SLC14A2: variants seen among roughly 807,000 people sequenced by gnomAD.
SLC14A2 encodes urea transporter 2.
SLC14A2 carries 91 observed loss-of-function variants against 104.6 expected under a neutral mutation model. The observed-to-expected ratio is 0.87, with a 90% CI of 0.73 to 1.04. The LOEUF (loss-of-function observed/expected upper bound fraction) is 1.04, where lower values mean the gene tolerates loss of function less well. Ranked by LOEUF, SLC14A2 falls within the 50% of genes least tolerant of loss-of-function variation. SLC14A2 has a pLI of 0.00. For missense variants in SLC14A2, 1,189 were observed against 1,156.0 expected (o/e 1.03, Z -0.41); for synonymous variants, 476 against 466.4 (o/e 1.02, Z -0.27).
At chr18:45,527,445 GCAAGAAGA>G (rs1236940575) in intron 2 of SLC14A2, among the ~76,000 whole-genome samples, 2 of 152,184 alleles carry the variant, frequency 1.3e-5, no homozygotes, top group African/African-American at 4.8e-5. Context: ...TAAGATAAAA[GCAAGAAGA>G]CAGGCTTCCC....
At chr18:45,502,509 G>A (rs1235014433) in intron 2 of SLC14A2, among the ~76,000 whole-genome samples, 1 of 152,222 alleles carries the variant, frequency 6.6e-6, no homozygotes, top group Non-Finnish European at 1.5e-5. Flanking sequence ...TAGGATTTGT[G>A]TTGTGGACAA....
chr18:45,559,962 C>A (rs1362875312), intron 2 of SLC14A2, among the ~76,000 whole-genome samples: 1 of 152,198 alleles, frequency 6.6e-6, no homozygotes, highest in Non-Finnish European at 1.5e-5. Flanking sequence ...ATCACCACAT[C>A]AAGGTCATGG....
intron 1 of SLC14A2, among the ~76,000 whole-genome samples, chr18:45,387,022 T>A (rs999630735): frequency 3.3e-5 from 5 of 152,216 alleles, no homozygotes; most frequent in Admixed American, 3.3e-4. Flanking sequence ...TTAAACTGTT[T>A]CTGGAGTATT....
chr18:45,242,096 A>G (rs2084323904), intron 1 of SLC14A2, among the ~76,000 whole-genome samples: 1 of 152,168 alleles, frequency 6.6e-6, no homozygotes. Flanking sequence ...AGCAGCTGGC[A>G]TGATTTTGGC....
chr18:45,312,399 G>A (rs867119279), intron 1 of SLC14A2, among the ~76,000 whole-genome samples: 1 of 151,650 alleles, frequency 6.6e-6, no homozygotes, highest in Non-Finnish European at 1.5e-5. Flanking sequence ...AAAAAAGCCT[G>A]CTTTTTTCAA....
intron 1 of SLC14A2, among the ~76,000 whole-genome samples, chr18:45,379,512 C>T (rs12608129): frequency 7.2e-5 from 11 of 152,076 alleles, no homozygotes; most frequent in Non-Finnish European, 1.2e-4. Context: ...ACCACCCTTC[C>T]GAGTCATTAC....
At chr18:45,584,536 G>A (rs947241038) in intron 2 of SLC14A2, among the ~76,000 whole-genome samples, 4 of 152,180 alleles carry the variant, frequency 2.6e-5, no homozygotes, top group Non-Finnish European at 5.9e-5. Flanking sequence ...ATCACAGAAC[G>A]AGGTTTGATT....
At chr18:45,529,314 T>C (rs942302694) in intron 2 of SLC14A2, 1 of 152,110 alleles carries the variant, frequency 6.6e-6, no homozygotes, top group Admixed American at 6.5e-5. Context: ...TACTTTCCAA[T>C]TGGTTGTCTG....
intron 10 of SLC14A2, among the ~76,000 whole-genome samples, chr18:45,645,263 C>G (rs2045599468): frequency 6.6e-6 from 1 of 152,122 alleles, no homozygotes; most frequent in Non-Finnish European, 1.5e-5. Context: ...TCCAGTCTAT[C>G]AAGACTTTGC....
At chr18:45,560,609 C>T (rs1199015905) in intron 2 of SLC14A2, among the ~76,000 whole-genome samples, 1 of 152,108 alleles carries the variant, frequency 6.6e-6, no homozygotes, top group Non-Finnish European at 1.5e-5. Context: ...TATGAAGCCC[C>T]TATGGAGGAA....
At chr18:45,383,518 C>T (rs149515663) in intron 1 of SLC14A2, among the ~76,000 whole-genome samples, 4 of 152,326 alleles carry the variant, frequency 2.6e-5, no homozygotes, top group Non-Finnish European at 5.9e-5. Flanking sequence ...AACCACTCAC[C>T]AGTACAAAGT....
chr18:45,315,534 A>AT, intron 1 of SLC14A2, among the ~76,000 whole-genome samples: 1 of 152,064 alleles, frequency 6.6e-6, no homozygotes, highest in South Asian at 2.1e-4. Context: ...GAGGCTGAGA[A>AT]TTTTCCTGGC....
At position 45,319,364 on chromosome 18, in the gene SLC14A2, CAGCA is replaced by C. The variant is rs2085162750; in HGVS notation, c.-125+106174_-125+106177del. Among the ~76,000 whole-genome samples, 4 of 152,360 alleles carry C rather than the reference CAGCA, an allele frequency of 2.6e-5. No individual in the cohort carries two copies. In the South Asian group the frequency reaches 8.3e-4, roughly 32 times the overall value. ...ATATTCCCAGCATCTCACATAGCGC[CAGCA>C]TATAATGGCTCTTGTAGGAAGAATT... On this transcript the variant is annotated intron_variant, in intron 1 of 20. Coordinates refer to the SLC14A2 transcript ENST00000586448.
At chr18:45,505,287 C>A (rs2612583) in intron 2 of SLC14A2, among the ~76,000 whole-genome samples, 116,567 of 152,004 alleles carry the variant, frequency 0.77, 46,699 homozygotes, top group Non-Finnish European at 0.89. Flanking sequence ...TCCCTCTGTC[C>A]TCCTACCCCC....
chr18:45,299,468 T>G (rs1259861622), intron 1 of SLC14A2, among the ~76,000 whole-genome samples: 1 of 152,200 alleles, frequency 6.6e-6, no homozygotes, highest in Non-Finnish European at 1.5e-5. Context: ...GTTTTTGTTT[T>G]TTTATTTTTT....
At chr18:45,277,961 C>G (rs778906595) in intron 1 of SLC14A2, among the ~76,000 whole-genome samples, 11 of 152,292 alleles carry the variant, frequency 7.2e-5, no homozygotes, top group Non-Finnish European at 8.8e-5. Flanking sequence ...TACTCCACCT[C>G]CCCCTCCATG....
intron 1 of SLC14A2, among the ~76,000 whole-genome samples, chr18:45,378,419 C>T (rs2085798206): frequency 6.6e-6 from 1 of 152,182 alleles, no homozygotes; most frequent in African/African-American, 2.4e-5. Context: ...TGGCCATCCC[C>T]TATCTCTATT....
At chr18:45,505,325 A>G (rs1048776596) in intron 2 of SLC14A2, among the ~76,000 whole-genome samples, 3 of 152,120 alleles carry the variant, frequency 2.0e-5, no homozygotes, top group African/African-American at 4.8e-5. Flanking sequence ...AGCCTTTGAC[A>G]GTCTTTTTCC....
intron 1 of SLC14A2, among the ~76,000 whole-genome samples, chr18:45,449,201 G>A (rs753253978): frequency 1.4e-4 from 21 of 152,162 alleles, no homozygotes; most frequent in Non-Finnish European, 2.8e-4. Context: ...CCTTTGTCTG[G>A]ACAGTTCACC....
Sources: allele counts gnomAD v4.1 joint callset (sites outside exome capture counted in the v4.1 genomes callset), GRCh38; gene constraint gnomAD v4.1.1; transcripts MANE v1.5; gene names NCBI Gene and HGNC (gene_info 2026-07-23, HGNC 2026-07-21).